PIEZO1: variants seen among roughly 807,000 people sequenced by gnomAD.
The protein encoded by PIEZO1 is piezo-type mechanosensitive ion channel component 1.
In PIEZO1, 296 loss-of-function variants were observed where a neutral mutation model predicts 297.2. That is an observed-to-expected ratio of 1.00 (90% CI 0.91 to 1.10). The LOEUF is 1.10. PIEZO1 is among the 50% of genes least tolerant of loss of function. The pLI is 0.00. For missense variants in PIEZO1, 5,018 were observed against 3,455.5 expected (o/e 1.45, Z -11.34); for synonymous variants, 2,427 against 1,507.5 (o/e 1.61, Z -14.13).
At chr16:88,730,675 T>C (rs1904743470) in intron 22 of PIEZO1, among the ~76,000 whole-genome samples, 1 of 149,358 alleles carries the variant, frequency 6.7e-6, no homozygotes, top group East Asian at 2.0e-4. Context: ...CAAGGGATGC[T>C]CCTGCCTCAG....
rs1904825688 is a variant in PIEZO1, at chr16:88,731,754, G to A, written c.3148C>T (p.Leu1050=). ...CCCAGGCACAGCAGGTACTGGTACAGCAGGAACAGCGCCAGGAAGAGGCAG... is the reference window on the plus strand; with the variant it reads ...CCCAGGCACAGCAGGTACTGGTACAACAGGAACAGCGCCAGGAAGAGGCAG... ...NYCLFLALFL[L]YQYLLCLGMP... Residue 1050 remains leucine, a synonymous_variant, in exon 22 of 51, where the codon CTG becomes TTG. Transcript: ENST00000301015. The A allele has an allele frequency of 6.5e-7, 1 of 1,549,750 alleles. No individual in the cohort carries two copies. Among genetic ancestry groups the A allele is most frequent in the South Asian group, 1.2e-5 (1 of 84,046 alleles).
rs1268555167 is a variant in PIEZO1 at position 88,727,667 on chromosome 16, G to C, written c.3197-6C>G. 1 of 1,422,248 alleles carries C rather than the reference G, an allele frequency of 7.0e-7. No individual in the cohort carries two copies. 88.1% of individuals were successfully genotyped at this position (1,422,248 alleles called of 1,614,324 possible). On this transcript the variant is annotated splice_polypyrimidine_tract_variant and splice_region_variant and intron_variant, in intron 22 of 50. Coordinates refer to ENST00000301015, the MANE Select transcript of PIEZO1 (RefSeq NM_001142864.4). The stretch of plus-strand genomic sequence containing the variant: ...GCTCCAGCGCCAGGGATAATCTGGG[G>C]GAAGGGGTGTCATGTCAGGAAGGGC...
At position 88,727,645 on chromosome 16, in the gene PIEZO1, C is replaced by A; in HGVS notation, c.3213G>T (p.Trp1071Cys). The change falls in exon 23 of 51, where the codon TGG becomes TGT. Residue 1071 changes from tryptophan (W) to cysteine (C), a missense_variant. Coordinates refer to ENST00000301015, the MANE Select transcript of PIEZO1 (RefSeq NM_001142864.4). ...PALCIDYPWR[W>C]SRAVPMNSAL... ...CGGAGTTCATGGGGACGGCCCGGCTCCAGCGCCAGGGATAATCTGGGGGAA... is the reference window on the plus strand; with the variant it reads ...CGGAGTTCATGGGGACGGCCCGGCTACAGCGCCAGGGATAATCTGGGGGAA... 1 of 1,483,992 alleles carries A rather than the reference C, an allele frequency of 6.7e-7. No homozygotes were observed. The highest frequency in any genetic ancestry group is 9.0e-7 in the Non-Finnish European group (1 of 1,106,722). The allele number at this position is 1,483,992 out of a possible 1,614,324, so 91.9% of individuals were successfully genotyped here. A position where few individuals can be genotyped will look rare whatever the true frequency, so the allele number is the denominator to read the frequency against.
intron 1 of PIEZO1, among the ~76,000 whole-genome samples, chr16:88,756,075 T>C (rs1161513272): frequency 6.6e-6 from 1 of 152,022 alleles, no homozygotes; most frequent in African/African-American, 2.4e-5. Flanking sequence ...GTCAGAGGTG[T>C]CCTCAGCCAT....
chr16:88,750,586 TCC>T (rs1329649447), intron 1 of PIEZO1, among the ~76,000 whole-genome samples: 1 of 152,058 alleles, frequency 6.6e-6, no homozygotes, highest in Non-Finnish European at 1.5e-5. Flanking sequence ...ACCACACAGC[TCC>T]CACCCGGGGT....
At chr16:88,727,475 G>A (rs1449337772) in intron 23 of PIEZO1, 82 bp downstream of exon 23, 3 of 664,064 alleles carry the variant, frequency 4.5e-6, no homozygotes, top group Non-Finnish European at 7.9e-6. Context: ...GCACGCCTGT[G>A]TGCACACTTG....
At chr16:88,734,197 C>T (rs1905058873) in intron 16 of PIEZO1, 143 bp from the exon 17 acceptor site, 1 of 1,212,538 alleles carries the variant, frequency 8.2e-7, no homozygotes, top group Non-Finnish European at 1.1e-6. Context: ...GCCCACTGTC[C>T]CTGTGACCTC....
chr16:88,783,623 G>C (rs979658005), intron 1 of PIEZO1, among the ~76,000 whole-genome samples: 8 of 152,156 alleles, frequency 5.3e-5, no homozygotes, highest in African/African-American at 7.2e-5. Context: ...GAACACAGCC[G>C]GGCCCTGTTT....
chr16:88,755,037 C>T (rs1378357396), intron 1 of PIEZO1, among the ~76,000 whole-genome samples: 1 of 152,214 alleles, frequency 6.6e-6, no homozygotes, highest in African/African-American at 2.4e-5. Flanking sequence ...GACACACCTG[C>T]GGCCATCAGG....
intron 2 of PIEZO1, chr16:88,743,341 C>G: frequency 4.4e-6 from 2 of 453,654 alleles, no homozygotes; most frequent in South Asian, 1.6e-5. Context: ...GGGCTGTGGA[C>G]AGCTTCCCTT....
intron 35 of PIEZO1, 66 bp downstream of exon 35, chr16:88,722,517 G>A (rs1018558935): frequency 7.7e-6 from 11 of 1,434,496 alleles, no homozygotes; most frequent in South Asian, 2.7e-5. Context: ...GCGAGGGTCG[G>A]GGATGGCTAG....
chr16:88,724,244 G>C (rs1462934796), intron 30 of PIEZO1, among the ~76,000 whole-genome samples: 3 of 152,244 alleles, frequency 2.0e-5, no homozygotes, highest in Non-Finnish European at 4.4e-5. Flanking sequence ...TAGAAAAACA[G>C]AACAGGCCGG....
chr16:88,723,183 G>A lies in PIEZO1; in HGVS notation c.4439-32C>T, dbSNP rs1280236252. On this transcript the variant is annotated intron_variant, in intron 32 of 50. Coordinates refer to ENST00000301015, the MANE Select transcript of PIEZO1 (RefSeq NM_001142864.4). Reference sequence around the variant, plus strand: ...ACAGGATGCTGGTGAGTGACTGGCAGTCCCGCGGCTTCCCCTCAGAGTCCC... The same window carrying A: ...ACAGGATGCTGGTGAGTGACTGGCAATCCCGCGGCTTCCCCTCAGAGTCCC... The A allele has an allele frequency of 2.6e-6, 4 of 1,549,354 alleles. 1 individual carries two copies. The South Asian group carries it at 3.6e-5, about 14-fold the overall frequency.
At chr16:88,725,880 T>C in intron 27 of PIEZO1, 196 bp from the exon 28 acceptor site, 2 of 592,680 alleles carry the variant, frequency 3.4e-6, no homozygotes, top group Non-Finnish European at 6.1e-6. Flanking sequence ...CCTTCTGCCG[T>C]ACAGATGCAG....
At chr16:88,756,885 G>A (rs182891070) in intron 1 of PIEZO1, among the ~76,000 whole-genome samples, 1 of 152,170 alleles carries the variant, frequency 6.6e-6, no homozygotes, top group Non-Finnish European at 1.5e-5. Context: ...GACCATCCTG[G>A]CCAACATGGT....
chr16:88,717,481 C>T lies in PIEZO1; in HGVS notation c.6472-270G>A, dbSNP rs1384927077. On this transcript the variant is annotated intron_variant, in intron 44 of 50. Coordinates refer to ENST00000301015, the MANE Select transcript of PIEZO1 (RefSeq NM_001142864.4). Reference sequence around the variant, plus strand: ...CTTTTTCAACACGGTGCAGGCACCGCCCCAGGCAGGAGAATGAAACGCAAC... The same window carrying T: ...CTTTTTCAACACGGTGCAGGCACCGTCCCAGGCAGGAGAATGAAACGCAAC... 4.4e-5 allele frequency: 26 copies of T among 595,802 alleles called. No individual in the cohort carries two copies. The Admixed American group carries it at 5.1e-4, about 12-fold the overall frequency. 36.9% of individuals were successfully genotyped at this position (595,802 alleles called of 1,614,324 possible).
Position 88,783,839 on chromosome 16 carries a change from G to A in PIEZO1, c.64+1062C>T, listed in dbSNP as rs142471778. Among the ~76,000 whole-genome samples, 720 of 152,326 alleles carry A rather than the reference G, an allele frequency of 4.7e-3. 5 individuals are homozygous for A. Among genetic ancestry groups the A allele is most frequent in the African/African-American group, 0.016 (683 of 41,562 alleles). ...GTCTGTCTGGGAGCCTCAGGCAGGC[G>A]GCTCTAGATCCCCAAAGCTAGCGCT... On this transcript the variant is annotated intron_variant, in intron 1 of 50. Coordinates refer to ENST00000301015, the MANE Select transcript of PIEZO1 (RefSeq NM_001142864.4).
intron 1 of PIEZO1, among the ~76,000 whole-genome samples, chr16:88,781,288 C>T (rs1907924977): frequency 6.6e-6 from 1 of 152,248 alleles, no homozygotes; most frequent in African/African-American, 2.4e-5. Flanking sequence ...CACCCACCCC[C>T]AGAGGAAACT....
chr16:88,759,433 C>T (rs1567688503), intron 1 of PIEZO1, among the ~76,000 whole-genome samples: 1 of 152,342 alleles, frequency 6.6e-6, no homozygotes, highest in East Asian at 1.9e-4. Context: ...AGCTGCCCTC[C>T]CCCTGGCCTG....
Sources: allele counts gnomAD v4.1 joint callset (sites outside exome capture counted in the v4.1 genomes callset), GRCh38; gene constraint gnomAD v4.1.1; transcripts MANE v1.5; gene names NCBI Gene and HGNC (gene_info 2026-07-23, HGNC 2026-07-21).